The following NRXN1 variants were observed in gnomAD, a reference collection of about 807,000 sequenced individuals.
The protein encoded by NRXN1 is neurexin-1.
NRXN1 carries 39 observed loss-of-function variants against 150.9 expected under a neutral mutation model. The ratio of observed to expected loss-of-function variants is 0.26; its 90% CI spans 0.20 to 0.34. NRXN1 has a LOEUF of 0.34. Ranked by LOEUF, NRXN1 falls within the 10% of genes least tolerant of loss-of-function variation. The pLI is 1.00. For missense variants in NRXN1, 1,815 were observed against 1,949.9 expected, an observed-to-expected ratio of 0.93 and a Z score of 1.30; for synonymous variants, 924 against 757.0, an observed-to-expected ratio of 1.22 and a Z score of -3.62.
chr2:50,817,195 G>C lies in NRXN1; in HGVS notation c.832+104674C>G, dbSNP rs1453875375. ...AAATATTTTCCCAGTTAGAATCTTA[G>C]TGACTTTGAGGGGATTAAAAGAACC... On this transcript the variant is annotated intron_variant, in intron 5 of 22. Coordinates refer to ENST00000401669, the MANE Select transcript of NRXN1 (RefSeq NM_001330078.2). Among the ~76,000 whole-genome samples the C allele has an allele frequency of 2.0e-5, 3 of 152,068 alleles. No individual in the cohort carries two copies. In the East Asian group the frequency reaches 5.8e-4, roughly 29 times the overall value.
chr2:50,562,436 G>A (rs1669241186), intron 8 of NRXN1, among the ~76,000 whole-genome samples: 1 of 151,786 alleles, frequency 6.6e-6, no homozygotes, highest in Non-Finnish European at 1.5e-5. Flanking sequence ...ATATACCAAT[G>A]TTCACTATTT....
At position 50,961,433 on chromosome 2, in the gene NRXN1, A is replaced by C. The variant is rs1693178024; in HGVS notation, c.773-35478T>G. Reference sequence around the variant, plus strand: ...TGAGATGGATCCATCATTTGTTTTAAATAATTGTACTATACTGACCAAGGC... The same window carrying C: ...TGAGATGGATCCATCATTTGTTTTACATAATTGTACTATACTGACCAAGGC... On this transcript the variant is annotated intron_variant, in intron 2 of 22. Transcript: ENST00000401669. 3.3e-5 allele frequency among the ~76,000 whole-genome samples: 5 copies of C among 151,810 alleles called. No homozygotes were observed. The Admixed American group carries it at 3.3e-4, about 10-fold the overall frequency.
chr2:50,937,874 C>A lies in NRXN1; in HGVS notation c.773-11919G>T, dbSNP rs1343121953. ...AAATGCATTGTTAGGTGATTTCATC[C>A]TTGTGCAAGCATAATAGGGTGTACT... On this transcript the variant is annotated intron_variant, in intron 2 of 22. Transcript: ENST00000401669. Among the ~76,000 whole-genome samples the A allele has an allele frequency of 3.9e-5, 6 of 152,082 alleles. No homozygotes were observed. In the East Asian group the frequency reaches 1.2e-3, roughly 29 times the overall value.
chr2:50,026,859 C>CTTTCTTTTTTT (rs1688381537), intron 21 of NRXN1, among the ~76,000 whole-genome samples: 1 of 65,234 alleles, frequency 1.5e-5, no homozygotes, highest in African/African-American at 6.4e-5. Flanking sequence ...CTTTTCTTTT[C>CTTTCTTTTTTT]TTTTTTTTTT....
intron 18 of NRXN1, among the ~76,000 whole-genome samples, chr2:50,166,659 C>CAG (rs10634465): frequency 1.1e-3 from 175 of 152,222 alleles, no homozygotes; most frequent in African/African-American, 4.0e-3. Context: ...AAAACTGATA[C>CAG]AGATGCTAAA....
intron 22 of NRXN1, among the ~76,000 whole-genome samples, chr2:49,938,487 G>C (rs977785650): frequency 6.6e-6 from 1 of 152,160 alleles, no homozygotes; most frequent in Non-Finnish European, 1.5e-5. Context: ...CTGTGTTCCA[G>C]CTAAAGAGAT....
At chr2:50,294,431 A>C (rs1038630999) in intron 17 of NRXN1, among the ~76,000 whole-genome samples, 5 of 152,244 alleles carry the variant, frequency 3.3e-5, no homozygotes, top group African/African-American at 1.2e-4. Flanking sequence ...AAATAAAATA[A>C]ATCAGAAATA....
At chr2:50,777,946 A>G (rs1703864111) in intron 5 of NRXN1, among the ~76,000 whole-genome samples, 1 of 152,188 alleles carries the variant, frequency 6.6e-6, no homozygotes, top group Admixed American at 6.5e-5. Context: ...CAAATATTAG[A>G]TAATACTATC....
At chr2:50,720,311 C>T (rs902600124) in intron 5 of NRXN1, among the ~76,000 whole-genome samples, 1 of 152,108 alleles carries the variant, frequency 6.6e-6, no homozygotes, top group Non-Finnish European at 1.5e-5. Context: ...TACAACATGT[C>T]TCTTTCAGGG....
At chr2:50,547,609 C>T (rs1373844676) in intron 9 of NRXN1, 1 of 152,126 alleles carries the variant, frequency 6.6e-6, no homozygotes, top group Non-Finnish European at 1.5e-5. Context: ...AAGTAATGGG[C>T]CTCTTCAATC....
chr2:49,974,225 C>T, intron 21 of NRXN1: 1 of 686,740 alleles, frequency 1.5e-6, no homozygotes, highest in African/African-American at 1.8e-5. Flanking sequence ...TCACGTGTCA[C>T]TGAGGAGCCA....
In NRXN1 at chr2:50,277,094, T is replaced by G. The variant is rs187370889; in HGVS notation, c.3365-40124A>C. Among the ~76,000 whole-genome samples the G allele has an allele frequency of 5.3e-5, 8 of 152,280 alleles. No homozygotes were observed. The East Asian group carries it at 1.5e-3, about 29-fold the overall frequency. On this transcript the variant is annotated intron_variant, in intron 17 of 22. Coordinates refer to ENST00000401669, the MANE Select transcript of NRXN1 (RefSeq NM_001330078.2). ...GAAATATTCGTTCAGAATGTAAGAA[T>G]GTTTTTAAAATATTATAACTCTCTC...
At chr2:50,404,821 T>C (rs2082642853) in intron 17 of NRXN1, among the ~76,000 whole-genome samples, 1 of 152,018 alleles carries the variant, frequency 6.6e-6, no homozygotes, top group African/African-American at 2.4e-5. Flanking sequence ...GCTCTAGTGG[T>C]GAGAGACCTT....
At chr2:50,883,527 T>A (rs551843248) in intron 5 of NRXN1, among the ~76,000 whole-genome samples, 1 of 151,628 alleles carries the variant, frequency 6.6e-6, no homozygotes, top group Non-Finnish European at 1.5e-5. Context: ...ATTAAAATAA[T>A]GTAAAATTTG....
chr2:50,007,380 G>A (rs1176648791), intron 21 of NRXN1, among the ~76,000 whole-genome samples: 5 of 151,772 alleles, frequency 3.3e-5, no homozygotes, highest in Non-Finnish European at 5.9e-5. Flanking sequence ...TGACGTTTGA[G>A]GGGTCACCAC....
chr2:50,551,050 G>GGAA (rs1204760729), intron 9 of NRXN1, among the ~76,000 whole-genome samples: 3,501 of 78,824 alleles, frequency 0.044, 164 homozygotes, highest in South Asian at 0.098. Context: ...AAGAGGAAGA[G>GGAA]GAAGAAGAAG....
At chr2:50,305,826 T>C (rs952549326) in intron 17 of NRXN1, among the ~76,000 whole-genome samples, 1 of 152,248 alleles carries the variant, frequency 6.6e-6, no homozygotes, top group Non-Finnish European at 1.5e-5. Context: ...TTGGGAGTTA[T>C]AAAGAAGGTA....
intron 2 of NRXN1, among the ~76,000 whole-genome samples, chr2:50,952,005 C>T (rs13407842): frequency 0.15 from 17,822 of 122,038 alleles, 1,162 homozygotes; most frequent in Middle Eastern, 0.28. Flanking sequence ...CTCGCTCTGT[C>T]GCCCAGGCTG....
chr2:50,741,981 A>G (rs1378021499), intron 5 of NRXN1, among the ~76,000 whole-genome samples: 1 of 152,194 alleles, frequency 6.6e-6, no homozygotes, highest in Non-Finnish European at 1.5e-5. Flanking sequence ...ATTCGCTTTA[A>G]TAAGTTGGTG....
Sources: allele counts gnomAD v4.1 joint callset (sites outside exome capture counted in the v4.1 genomes callset), GRCh38; gene constraint gnomAD v4.1.1; transcripts MANE v1.5; gene names NCBI Gene and HGNC (gene_info 2026-07-23, HGNC 2026-07-21).